ASTN2: variants seen among roughly 807,000 people sequenced by gnomAD.
ASTN2 encodes astrotactin 2.
A neutral mutation model predicts 139.8 loss-of-function variants in ASTN2; 54 were observed. The ratio of observed to expected loss-of-function variants is 0.39; its 90% confidence interval spans 0.31 to 0.48. The LOEUF is 0.48. Among genes scored for constraint, ASTN2 ranks in the 20% least tolerant of loss-of-function variants. The pLI is 0.95. For synonymous variants in ASTN2, 756 were observed against 719.5 expected, an observed-to-expected ratio of 1.05 and a Z score of -0.81; for missense variants, 1,565 against 1,725.1, an observed-to-expected ratio of 0.91 and a Z score of 1.64.
chr9:117,160,354 T>C (rs1488560260), intron 3 of ASTN2, among the ~76,000 whole-genome samples: 1 of 151,850 alleles, frequency 6.6e-6, no homozygotes, highest in Non-Finnish European at 1.5e-5. Context: ...AGCAAGGTAG[T>C]TCCTCATTGT....
At chr9:117,326,295 A>C (rs1331956595) in intron 1 of ASTN2, among the ~76,000 whole-genome samples, 2 of 152,204 alleles carry the variant, frequency 1.3e-5, no homozygotes, top group African/African-American at 2.4e-5. Flanking sequence ...CATGGAAATG[A>C]AATAAGTATT....
intron 4 of ASTN2, among the ~76,000 whole-genome samples, chr9:117,114,895 G>A (rs1829339745): frequency 6.6e-6 from 1 of 152,112 alleles, no homozygotes; most frequent in African/African-American, 2.4e-5. Context: ...CATCCCCATT[G>A]GAGCTCTTAG....
intron 16 of ASTN2, among the ~76,000 whole-genome samples, chr9:116,722,963 A>T (rs1252323399): frequency 6.6e-6 from 1 of 152,174 alleles, no homozygotes; most frequent in Non-Finnish European, 1.5e-5. Context: ...CAGGAGATTG[A>T]GACTATCCTG....
intron 5 of ASTN2, among the ~76,000 whole-genome samples, chr9:117,079,285 G>A (rs534527318): frequency 6.6e-6 from 1 of 152,228 alleles, no homozygotes; most frequent in Admixed American, 6.5e-5. Context: ...GAGGCTGGGA[G>A]GTCAAGTCTG....
At chr9:116,893,010 C>T (rs1479978932) in intron 10 of ASTN2, among the ~76,000 whole-genome samples, 1 of 152,082 alleles carries the variant, frequency 6.6e-6, no homozygotes, top group African/African-American at 2.4e-5. Context: ...CTCCATTCTC[C>T]GGTACTCCCA....
chr9:116,454,472 T>C (rs1423378386), intron 20 of ASTN2, among the ~76,000 whole-genome samples: 1 of 152,066 alleles, frequency 6.6e-6, no homozygotes, highest in Non-Finnish European at 1.5e-5. Flanking sequence ...AGTTCAACCA[T>C]TGTGGAAGAC....
At chr9:117,129,930 C>G (rs1002570651) in intron 4 of ASTN2, among the ~76,000 whole-genome samples, 1 of 152,084 alleles carries the variant, frequency 6.6e-6, no homozygotes, top group Non-Finnish European at 1.5e-5. Flanking sequence ...TTTTTCCTTT[C>G]CCTTTCCCTC....
chr9:116,482,851 G>A (rs1405155163), intron 20 of ASTN2, among the ~76,000 whole-genome samples: 1 of 152,204 alleles, frequency 6.6e-6, no homozygotes, highest in African/African-American at 2.4e-5. Flanking sequence ...AGGGAGGTGA[G>A]GGCGGGTCTG....
chr9:116,459,886 C>A (rs971394428), intron 20 of ASTN2, among the ~76,000 whole-genome samples: 1 of 152,084 alleles, frequency 6.6e-6, no homozygotes, highest in African/African-American at 2.4e-5. Context: ...TATGACCCAG[C>A]AATTCCATTC....
intron 1 of ASTN2, among the ~76,000 whole-genome samples, chr9:117,371,809 A>AT (rs1273326652): frequency 1.3e-5 from 2 of 151,924 alleles, no homozygotes; most frequent in African/African-American, 4.8e-5. Context: ...GTAGAGTGTA[A>AT]TTTTCTCATT....
chr9:117,305,024 G>A (rs192967737), intron 1 of ASTN2, among the ~76,000 whole-genome samples: 272 of 152,296 alleles, frequency 1.8e-3, no homozygotes, highest in African/African-American at 6.1e-3. Context: ...TCTCCGATGG[G>A]GTCAGACACG....
At chr9:117,053,685 C>T (rs1838978141) in intron 5 of ASTN2, among the ~76,000 whole-genome samples, 1 of 152,084 alleles carries the variant, frequency 6.6e-6, no homozygotes, top group African/African-American at 2.4e-5. Flanking sequence ...CTAAGGAGGT[C>T]TGGCCTAAGG....
chr9:116,671,927 G>C (rs1369630793), intron 16 of ASTN2, among the ~76,000 whole-genome samples: 1 of 152,160 alleles, frequency 6.6e-6, no homozygotes, highest in Non-Finnish European at 1.5e-5. Context: ...CTGTGAAGCA[G>C]AGAAACGAGA....
intron 17 of ASTN2, among the ~76,000 whole-genome samples, chr9:116,637,173 G>C (rs1426562393): frequency 1.3e-5 from 2 of 152,176 alleles, no homozygotes; most frequent in Non-Finnish European, 2.9e-5. Context: ...GACTAAGGTA[G>C]AGTCTACATC....
chr9:116,545,070 C>A (rs1852034675), intron 19 of ASTN2, among the ~76,000 whole-genome samples: 1 of 152,212 alleles, frequency 6.6e-6, no homozygotes, highest in Non-Finnish European at 1.5e-5. Context: ...TCCCAGCCAG[C>A]TTCCCAGAGA....
chr9:116,563,219 C>T (rs2131667692), intron 19 of ASTN2, among the ~76,000 whole-genome samples: 1 of 151,524 alleles, frequency 6.6e-6, no homozygotes, highest in South Asian at 2.1e-4. Context: ...ATTAAAAATA[C>T]AAAAAATTAG....
At chr9:116,641,514 G>C (rs557742295) in intron 17 of ASTN2, among the ~76,000 whole-genome samples, 2 of 152,252 alleles carry the variant, frequency 1.3e-5, no homozygotes, top group South Asian at 4.1e-4. Flanking sequence ...AGTACATAAA[G>C]TGCTTTAGCT....
At chr9:117,404,548 AC>A (rs1830926443) in intron 1 of ASTN2, among the ~76,000 whole-genome samples, 1 of 152,236 alleles carries the variant, frequency 6.6e-6, no homozygotes, top group African/African-American at 2.4e-5. Context: ...ATAATATATT[AC>A]GTATGTGTGT....
chr9:116,864,608 T>C (rs1265912665), intron 10 of ASTN2, among the ~76,000 whole-genome samples: 1 of 152,172 alleles, frequency 6.6e-6, no homozygotes, highest in African/African-American at 2.4e-5. Flanking sequence ...GGGTATATGA[T>C]TCCCATACTT....
Sources: allele counts gnomAD v4.1 joint callset (sites outside exome capture counted in the v4.1 genomes callset), GRCh38; gene constraint gnomAD v4.1.1; transcripts MANE v1.5; gene names NCBI Gene and HGNC (gene_info 2026-07-23, HGNC 2026-07-21).